Variants in EBF1 observed in about 807,000 individuals in gnomAD.
EBF1 encodes EBF transcription factor 1.
In EBF1, 10 loss-of-function variants were observed where a neutral mutation model predicts 68.4. The observed-to-expected ratio is 0.15, with a 90% CI of 0.09 to 0.25. EBF1 has a LOEUF of 0.25. Among genes scored for constraint, EBF1 ranks in the 10% least tolerant of loss-of-function variants. The probability of loss-of-function intolerance (pLI) is 1.00; values close to 1 mark genes in which losing one functional copy is unlikely to be tolerated. For synonymous variants in EBF1, 298 were observed against 299.8 expected, an observed-to-expected ratio of 0.99 and a Z score of 0.06; for missense variants, 509 against 794.4, an observed-to-expected ratio of 0.64 and a Z score of 4.32.
intron 6 of EBF1, among the ~76,000 whole-genome samples, chr5:158,878,032 A>G (rs781153401): frequency 9.2e-5 from 14 of 151,816 alleles, no homozygotes; most frequent in Non-Finnish European, 1.9e-4. Context: ...CTCACGTCCA[A>G]AGAAAACTTG....
chr5:158,840,896 C>A (rs1037785816), intron 6 of EBF1, among the ~76,000 whole-genome samples: 1 of 151,614 alleles, frequency 6.6e-6, no homozygotes, highest in African/African-American at 2.4e-5. Flanking sequence ...TGGTCTCGAT[C>A]TCCTGACCTC....
At chr5:158,772,424 G>A (rs1774051821) in intron 10 of EBF1, among the ~76,000 whole-genome samples, 1 of 152,100 alleles carries the variant, frequency 6.6e-6, no homozygotes, top group South Asian at 2.1e-4. Context: ...GACCTCCAGA[G>A]GAGGGGCTGA....
chr5:158,944,882 T>C (rs1451145631), intron 6 of EBF1, among the ~76,000 whole-genome samples: 1 of 152,258 alleles, frequency 6.6e-6, no homozygotes, highest in Non-Finnish European at 1.5e-5. Flanking sequence ...GAAAAATGAC[T>C]GTTCATTTCC....
At chr5:158,822,271 T>C (rs557233004) in intron 8 of EBF1, among the ~76,000 whole-genome samples, 1 of 75,924 alleles carries the variant, frequency 1.3e-5, no homozygotes, top group African/African-American at 3.3e-5. Flanking sequence ...GATGGACGGA[T>C]GGATGGATGG....
chr5:158,908,741 G>C (rs1480303018), intron 6 of EBF1, among the ~76,000 whole-genome samples: 1 of 152,182 alleles, frequency 6.6e-6, no homozygotes, highest in African/African-American at 2.4e-5. Context: ...GTTCCAACTG[G>C]AGCCAGGAAG....
At chr5:158,969,916 GAAAAA>G (rs61157554) in intron 6 of EBF1, among the ~76,000 whole-genome samples, 4 of 80,072 alleles carry the variant, frequency 5.0e-5, no homozygotes, top group African/African-American at 1.0e-4. Context: ...AAGAAAGAAA[GAAAAA>G]AAAAAAAAAG....
intron 6 of EBF1, among the ~76,000 whole-genome samples, chr5:158,851,689 A>G: frequency 1.0e-5 from 1 of 95,566 alleles, no homozygotes; most frequent in Non-Finnish European, 2.2e-5. Context: ...TAGGGAGGAG[A>G]AGTAAAGGGA....
At chr5:158,772,579 C>T (rs184341628) in intron 10 of EBF1, among the ~76,000 whole-genome samples, 212 of 152,272 alleles carry the variant, frequency 1.4e-3, no homozygotes, top group Middle Eastern at 3.4e-3. Flanking sequence ...ATTACATTTA[C>T]ACTTATGCAT....
chr5:158,869,776 G>C (rs934905146), intron 6 of EBF1, among the ~76,000 whole-genome samples: 1 of 152,148 alleles, frequency 6.6e-6, no homozygotes, highest in Non-Finnish European at 1.5e-5. Flanking sequence ...ACACTGGAAA[G>C]ACTGTCTTTA....
chr5:158,901,864 G>C (rs1562256585), intron 6 of EBF1, among the ~76,000 whole-genome samples: 1 of 152,186 alleles, frequency 6.6e-6, no homozygotes, highest in Non-Finnish European at 1.5e-5. Context: ...GCCAAGGCAG[G>C]TGGATCACTT....
chr5:158,876,036 G>T (rs1188205342), intron 6 of EBF1, among the ~76,000 whole-genome samples: 1 of 152,176 alleles, frequency 6.6e-6, no homozygotes, highest in Non-Finnish European at 1.5e-5. Context: ...AGGAACCTTA[G>T]ATATCTTCTG....
At chr5:159,077,103 A>C (rs939494180) in intron 5 of EBF1, among the ~76,000 whole-genome samples, 3 of 152,214 alleles carry the variant, frequency 2.0e-5, no homozygotes, top group Non-Finnish European at 4.4e-5. Context: ...TCACTCCCTC[A>C]CTTCATTCAA....
rs895114194 is a variant in EBF1, at chr5:158,698,821, T to TAA, written c.*288_*289dup. The TAA allele has an allele frequency of 2.7e-4, 72 of 264,206 alleles. No homozygotes were observed. The highest frequency in any genetic ancestry group is 8.1e-4 in the Admixed American group (15 of 18,430). The allele number at this position is 264,206 out of a possible 1,614,324, so 16.4% of individuals were successfully genotyped here. A position where few individuals can be genotyped will look rare whatever the true frequency, so the allele number is the denominator to read the frequency against. On this transcript the variant is annotated 3_prime_UTR_variant, in exon 16 of 16. Transcript: ENST00000313708. ...AGACAAATGATTGCAGAATTAAGCT[T>TAA]AAAAAAAAAAAAGAAAAAGAAAAAG...
chr5:158,707,765 G>A, intron 15 of EBF1: 1 of 546,380 alleles, frequency 1.8e-6, no homozygotes, highest in Non-Finnish European at 3.1e-6. Context: ...AGGACTTCTT[G>A]AGCACCTCCA....
intron 6 of EBF1, among the ~76,000 whole-genome samples, chr5:158,863,159 T>C (rs10074883): frequency 0.069 from 10,435 of 152,246 alleles, 393 homozygotes; most frequent in African/African-American, 0.072. Context: ...CTCTAACTCA[T>C]TTGATGTTTC....
At chr5:159,083,000 G>A (rs1446829254) in intron 5 of EBF1, among the ~76,000 whole-genome samples, 1 of 152,166 alleles carries the variant, frequency 6.6e-6, no homozygotes, top group Non-Finnish European at 1.5e-5. Flanking sequence ...TGTGTGAAAG[G>A]CATAATATAT....
At chr5:158,956,430 G>T (rs998506269) in intron 6 of EBF1, among the ~76,000 whole-genome samples, 1 of 151,810 alleles carries the variant, frequency 6.6e-6, no homozygotes, top group African/African-American at 2.4e-5. Flanking sequence ...AAGCTTAATT[G>T]CAGGATGTAC....
intron 6 of EBF1, among the ~76,000 whole-genome samples, chr5:158,849,835 C>T (rs1373164540): frequency 2.0e-5 from 3 of 152,166 alleles, no homozygotes; most frequent in Non-Finnish European, 4.4e-5. Flanking sequence ...TATCATTCAG[C>T]ACAGAACCTA....
chr5:159,096,384 T>G lies in EBF1; in HGVS notation c.314A>C (p.Asn105Thr), dbSNP rs1469737512. 3.1e-6 allele frequency: 5 copies of G among 1,613,808 alleles called. No homozygotes were observed. The highest frequency in any genetic ancestry group is 4.2e-6 in the Non-Finnish European group (5 of 1,179,874). ...CTGAAGCCGGTAGTGAATTCCGTTA[T>G]TGGTCTTTTCGCTGTTGGCTTCCTG... ...KEKEANSEKT[N>T]NGIHYRLQLL... The change falls in exon 3 of 16, where the codon AAT becomes ACT. Residue 105 changes from asparagine to threonine, a missense_variant. Asn to Thr is a moderately conservative substitution (Grantham distance 65). This residue lies in a region of EBF1 where 230 missense variants were observed against 467.7 expected (regional missense o/e 0.49). Coordinates refer to ENST00000313708, the MANE Select transcript of EBF1 (RefSeq NM_024007.5).
Sources: allele counts gnomAD v4.1 joint callset (sites outside exome capture counted in the v4.1 genomes callset), GRCh38; gene constraint gnomAD v4.1.1; regional missense constraint gnomAD v4.1.1; transcripts MANE v1.5; gene names NCBI Gene and HGNC (gene_info 2026-07-23, HGNC 2026-07-21).